The following CNTN5 variants were observed in gnomAD, a reference collection of about 807,000 sequenced individuals.
The protein encoded by CNTN5 is contactin-5.
Under a neutral mutation model 129.1 loss-of-function variants are expected in CNTN5, and 77 were observed. That is an observed-to-expected ratio of 0.60 (90% CI 0.50 to 0.72). The LOEUF (loss-of-function observed/expected upper bound fraction) is 0.72, where lower values mean the gene tolerates loss of function less well. CNTN5 is among the 30% of genes least tolerant of loss of function. CNTN5 has a pLI of 0.00. For missense variants in CNTN5, 1,478 were observed against 1,328.8 expected (o/e 1.11, Z -1.75); for synonymous variants, 509 against 465.6 (o/e 1.09, Z -1.20).
intron 9 of CNTN5, among the ~76,000 whole-genome samples, chr11:100,009,245 T>A (rs942058976): frequency 6.6e-6 from 1 of 152,060 alleles, no homozygotes; most frequent in Non-Finnish European, 1.5e-5. Flanking sequence ...GGAGCAGAAC[T>A]CAACAAGAGT....
intron 1 of CNTN5, among the ~76,000 whole-genome samples, chr11:99,085,464 G>T (rs527706102): frequency 2.5e-4 from 38 of 151,978 alleles, no homozygotes; most frequent in Middle Eastern, 3.4e-3. Flanking sequence ...ATAATAAAAA[G>T]AATTACTTCA....
chr11:99,036,071 T>C (rs1480896341), intron 1 of CNTN5, among the ~76,000 whole-genome samples: 1 of 152,220 alleles, frequency 6.6e-6, no homozygotes, highest in African/African-American at 2.4e-5. Flanking sequence ...TTGAAAATTC[T>C]TTTCTTTGAG....
At chr11:99,696,696 A>G (rs995220025) in intron 3 of CNTN5, among the ~76,000 whole-genome samples, 6 of 151,332 alleles carry the variant, frequency 4.0e-5, no homozygotes, top group African/African-American at 1.5e-4. Flanking sequence ...TATATTTTTT[A>G]TGACAGAAAG....
rs183512612 is a variant in CNTN5 at position 99,948,393 on chromosome 11, A to C, written c.674-8413A>C. On this transcript the variant is annotated intron_variant, in intron 7 of 24. Coordinates refer to ENST00000524871, the MANE Select transcript of CNTN5 (RefSeq NM_014361.4). ...TTGATATGGTTAAGACTTGCATGGC[A>C]TTGTGACCATGGTTTAATTACAGTG... 2.4e-3 allele frequency among the ~76,000 whole-genome samples: 371 copies of C among 152,294 alleles called. 2 individuals carry two copies. Among genetic ancestry groups the C allele is most frequent in the Admixed American group, 6.9e-3 (105 of 15,286 alleles).
At chr11:100,352,448 A>T (rs1312354703) in intron 24 of CNTN5, among the ~76,000 whole-genome samples, 1 of 151,734 alleles carries the variant, frequency 6.6e-6, no homozygotes, top group Non-Finnish European at 1.5e-5. Flanking sequence ...GATGCATCAT[A>T]TCTGCTATCT....
At chr11:99,053,384 G>T (rs1478528776) in intron 1 of CNTN5, among the ~76,000 whole-genome samples, 1 of 151,828 alleles carries the variant, frequency 6.6e-6, no homozygotes, top group Admixed American at 6.6e-5. Context: ...TTCTTCTGGG[G>T]TCTTATGCAA....
At chr11:99,055,011 A>G (rs1247150144) in intron 1 of CNTN5, among the ~76,000 whole-genome samples, 1 of 151,908 alleles carries the variant, frequency 6.6e-6, no homozygotes, top group Non-Finnish European at 1.5e-5. Flanking sequence ...TTAAATCGTA[A>G]TTACCTAGAA....
chr11:99,409,340 C>T (rs7120144), intron 2 of CNTN5, among the ~76,000 whole-genome samples: 26,181 of 151,922 alleles, frequency 0.17, 2,312 homozygotes, highest in East Asian at 0.23. Context: ...TGGTGGCAGG[C>T]GCCTGTGGTC....
intron 2 of CNTN5, among the ~76,000 whole-genome samples, chr11:99,537,992 G>A (rs1272284249): frequency 6.6e-6 from 1 of 152,154 alleles, no homozygotes. Context: ...TAGAGACTCT[G>A]AGAATTCAGT....
chr11:100,297,041 T>A (rs1281390936), intron 18 of CNTN5, among the ~76,000 whole-genome samples: 1 of 151,656 alleles, frequency 6.6e-6, no homozygotes, highest in Non-Finnish European at 1.5e-5. Flanking sequence ...TTAATAGTTA[T>A]TCATTTGAAA....
chr11:99,129,723 GTAAC>G (rs1858835528), intron 1 of CNTN5, among the ~76,000 whole-genome samples: 4 of 152,246 alleles, frequency 2.6e-5, no homozygotes, highest in African/African-American at 9.6e-5. Context: ...GAAAGGCCAG[GTAAC>G]CTAAAAAGGG....
At chr11:99,338,520 G>C (rs1866340737) in intron 2 of CNTN5, among the ~76,000 whole-genome samples, 1 of 152,040 alleles carries the variant, frequency 6.6e-6, no homozygotes, top group Non-Finnish European at 1.5e-5. Flanking sequence ...TTTTGTTGCT[G>C]TTTAATTTTA....
At chr11:99,933,522 C>T (rs1186244786) in intron 7 of CNTN5, among the ~76,000 whole-genome samples, 2 of 152,004 alleles carry the variant, frequency 1.3e-5, no homozygotes, top group African/African-American at 4.8e-5. Context: ...CAATTCTCAT[C>T]CCTGATATTC....
At chr11:100,267,955 G>A (rs1190952111) in intron 17 of CNTN5, among the ~76,000 whole-genome samples, 2 of 152,126 alleles carry the variant, frequency 1.3e-5, no homozygotes, top group South Asian at 2.1e-4. Flanking sequence ...TATGACAGAG[G>A]TCATAAAAAT....
intron 7 of CNTN5, among the ~76,000 whole-genome samples, chr11:99,917,821 T>C (rs1233911234): frequency 6.6e-6 from 1 of 152,162 alleles, no homozygotes. Context: ...ATTGCATATA[T>C]GGTAAGATAA....
chr11:100,043,271 T>A (rs1198579133), intron 9 of CNTN5, among the ~76,000 whole-genome samples: 1 of 152,186 alleles, frequency 6.6e-6, no homozygotes. Flanking sequence ...ATATGGCATA[T>A]TCATAATGTC....
At chr11:99,292,068 G>C (rs184262026) in intron 1 of CNTN5, among the ~76,000 whole-genome samples, 3 of 152,002 alleles carry the variant, frequency 2.0e-5, no homozygotes, top group Non-Finnish European at 4.4e-5. Context: ...AGAAATGTCC[G>C]ATTCATAAAT....
intron 3 of CNTN5, among the ~76,000 whole-genome samples, chr11:99,704,166 A>T (rs1954653941): frequency 6.6e-6 from 1 of 150,694 alleles, no homozygotes. Context: ...CATAACTCTG[A>T]GTTCTATACT....
At chr11:100,322,087 T>C (rs990405563) in intron 21 of CNTN5, among the ~76,000 whole-genome samples, 1 of 152,234 alleles carries the variant, frequency 6.6e-6, no homozygotes, top group African/African-American at 2.4e-5. Flanking sequence ...TCTCTTTCAC[T>C]ATCCTGACTT....
Sources: gnomAD v4.1 joint callset for allele counts (sites outside exome capture counted in the v4.1 genomes callset) on GRCh38, gnomAD v4.1.1 for gene constraint, MANE v1.5 for transcripts, NCBI Gene and HGNC (gene_info 2026-07-23, HGNC 2026-07-21) for gene names.